The following ST8SIA6 variants were observed in gnomAD, a reference collection of about 807,000 sequenced individuals.
The protein encoded by ST8SIA6 is alpha-2,8-sialyltransferase 8F.
A neutral mutation model predicts 33.6 loss-of-function variants in ST8SIA6; 39 were observed. That is an observed-to-expected ratio of 1.16 (90% CI 0.90 to 1.52). The LOEUF is 1.52. Ranked by LOEUF, ST8SIA6 falls within the 40% of genes most tolerant of loss-of-function variation. ST8SIA6 has a pLI of 0.00. For missense variants in ST8SIA6, 441 were observed against 443.8 expected (o/e 0.99, Z 0.06); for synonymous variants, 172 against 167.2 (o/e 1.03, Z -0.22).
intron 3 of ST8SIA6, among the ~76,000 whole-genome samples, chr10:17,382,799 C>T (rs750362886): frequency 3.3e-4 from 50 of 152,168 alleles, no homozygotes; most frequent in Non-Finnish European, 6.2e-4. Context: ...GAGGTGGGCC[C>T]ATAAGATCGT....
intron 3 of ST8SIA6, among the ~76,000 whole-genome samples, chr10:17,380,853 T>TGTGTA (rs1564433225): frequency 1.2e-5 from 1 of 86,316 alleles, no homozygotes; most frequent in Non-Finnish European, 2.4e-5. Flanking sequence ...GTTTGTGTGT[T>TGTGTA]TGTGTGTATG....
intron 4 of ST8SIA6, among the ~76,000 whole-genome samples, chr10:17,358,422 T>C (rs940449863): frequency 6.6e-6 from 1 of 152,238 alleles, no homozygotes; most frequent in Non-Finnish European, 1.5e-5. Context: ...AAGCAAAATC[T>C]CTTTAGTAAT....
chr10:17,438,346 T>A (rs939773340), intron 2 of ST8SIA6, among the ~76,000 whole-genome samples: 2 of 152,194 alleles, frequency 1.3e-5, no homozygotes, highest in African/African-American at 4.8e-5. Flanking sequence ...CTAGATAAAT[T>A]TATTTACAAA....
chr10:17,420,348 C>T (rs1011763953), intron 2 of ST8SIA6, among the ~76,000 whole-genome samples: 1 of 152,100 alleles, frequency 6.6e-6, no homozygotes, highest in African/African-American at 2.4e-5. Flanking sequence ...AGAAGCGGAG[C>T]TTGCAGTGAG....
chr10:17,438,008 T>C (rs1428451918), intron 2 of ST8SIA6, among the ~76,000 whole-genome samples: 1 of 152,112 alleles, frequency 6.6e-6, no homozygotes, highest in Non-Finnish European at 1.5e-5. Context: ...GGAATACAGG[T>C]GTGAGCCACC....
chr10:17,412,150 C>T (rs1851473591), intron 2 of ST8SIA6, among the ~76,000 whole-genome samples: 1 of 152,062 alleles, frequency 6.6e-6, no homozygotes, highest in South Asian at 2.1e-4. Flanking sequence ...TCCCTCTTGA[C>T]CATGGTTAGC....
At chr10:17,377,486 G>A (rs1257982660) in intron 3 of ST8SIA6, among the ~76,000 whole-genome samples, 4 of 152,152 alleles carry the variant, frequency 2.6e-5, no homozygotes, top group Non-Finnish European at 5.9e-5. Flanking sequence ...TTGAGCAACT[G>A]CTATGTGCTG....
intron 2 of ST8SIA6, among the ~76,000 whole-genome samples, chr10:17,416,090 G>T (rs1851599457): frequency 1.3e-5 from 2 of 152,180 alleles, no homozygotes; most frequent in South Asian, 4.2e-4. Flanking sequence ...TTACAGAGGT[G>T]AGCCACTGTA....
intron 2 of ST8SIA6, among the ~76,000 whole-genome samples, chr10:17,441,322 T>TTATG (rs1194903779): frequency 1.3e-5 from 2 of 151,642 alleles, no homozygotes; most frequent in Admixed American, 1.3e-4. Context: ...ATTTATTTAT[T>TTATG]TATTTATTTG....
intron 2 of ST8SIA6, among the ~76,000 whole-genome samples, chr10:17,427,485 C>T (rs1323610202): frequency 2.6e-5 from 4 of 152,174 alleles, no homozygotes; most frequent in African/African-American, 9.7e-5. Flanking sequence ...AGAATGATTC[C>T]AGAAGAGGCC....
At chr10:17,387,816 C>T (rs1004119933) in intron 3 of ST8SIA6, among the ~76,000 whole-genome samples, 1 of 152,142 alleles carries the variant, frequency 6.6e-6, no homozygotes, top group African/African-American at 2.4e-5. Flanking sequence ...ATAGAATAGA[C>T]TATGATATGA....
At chr10:17,322,120 GA>G (rs1847971496) in intron 7 of ST8SIA6, among the ~76,000 whole-genome samples, 5 of 148,838 alleles carry the variant, frequency 3.4e-5, no homozygotes, top group African/African-American at 9.9e-5. Context: ...GAGAGAGAGA[GA>G]GAGGAAGGAA....
At chr10:17,367,001 C>T (rs1366320135) in intron 3 of ST8SIA6, among the ~76,000 whole-genome samples, 1 of 152,158 alleles carries the variant, frequency 6.6e-6, no homozygotes, top group Admixed American at 6.5e-5. Context: ...ATAGCACAAA[C>T]AGCAATTTAT....
chr10:17,325,195 C>T (rs749547488), intron 6 of ST8SIA6, among the ~76,000 whole-genome samples: 77 of 140,826 alleles, frequency 5.5e-4, no homozygotes, highest in East Asian at 4.1e-3. Flanking sequence ...ACATATTATA[C>T]GTATATAATT....
At chr10:17,344,382 G>A (rs1269665622) in intron 4 of ST8SIA6, among the ~76,000 whole-genome samples, 1 of 152,224 alleles carries the variant, frequency 6.6e-6, no homozygotes, top group East Asian at 1.9e-4. Context: ...AGGCCAGGAG[G>A]AGCAAAGCCA....
At chr10:17,443,062 G>A (rs1852560871) in intron 2 of ST8SIA6, among the ~76,000 whole-genome samples, 1 of 152,178 alleles carries the variant, frequency 6.6e-6, no homozygotes, top group African/African-American at 2.4e-5. Context: ...TATACCCAAA[G>A]TGAACATGGT....
intron 4 of ST8SIA6, among the ~76,000 whole-genome samples, chr10:17,357,435 C>T (rs1355554158): frequency 6.6e-6 from 1 of 151,782 alleles, no homozygotes; most frequent in Non-Finnish European, 1.5e-5. Flanking sequence ...ACGCCCAGCC[C>T]CTTCAGTTCT....
At chr10:17,345,675 A>G (rs556003238) in intron 4 of ST8SIA6, among the ~76,000 whole-genome samples, 7 of 152,340 alleles carry the variant, frequency 4.6e-5, no homozygotes, top group Middle Eastern at 6.8e-3. Flanking sequence ...CAAGAGTCTT[A>G]CAGGCATCAC....
At chr10:17,393,316 T>C (rs376300133) in intron 2 of ST8SIA6, among the ~76,000 whole-genome samples, 1 of 152,202 alleles carries the variant, frequency 6.6e-6, no homozygotes, top group Non-Finnish European at 1.5e-5. Context: ...TTATGGGAGC[T>C]AATCCCTCGT....
Sources: allele counts gnomAD v4.1 joint callset (sites outside exome capture counted in the v4.1 genomes callset), GRCh38; gene constraint gnomAD v4.1.1; transcripts MANE v1.5; gene names NCBI Gene and HGNC (gene_info 2026-07-23, HGNC 2026-07-21).